The following SPATA6L variants were observed in gnomAD, a reference collection of about 807,000 sequenced individuals.
SPATA6L encodes spermatogenesis associated 6-like protein.
In SPATA6L, 68 loss-of-function variants were observed where a neutral mutation model predicts 49.2. That is an observed-to-expected ratio of 1.38 (90% CI 1.14 to 1.69). The LOEUF (loss-of-function observed/expected upper bound fraction) is 1.69, where lower values mean the gene tolerates loss of function less well. Ranked by LOEUF, SPATA6L falls within the 40% of genes most tolerant of loss-of-function variation. The probability of loss-of-function intolerance (pLI) is 0.00; values close to 1 mark genes in which losing one functional copy is unlikely to be tolerated. For missense variants in SPATA6L, 668 were observed against 464.3 expected, an observed-to-expected ratio of 1.44 and a Z score of -4.03; for synonymous variants, 198 against 165.7, an observed-to-expected ratio of 1.19 and a Z score of -1.50.
At chr9:4,648,909 G>T (rs563052765) in intron 3 of SPATA6L, among the ~76,000 whole-genome samples, 1 of 152,096 alleles carries the variant, frequency 6.6e-6, no homozygotes, top group African/African-American at 2.4e-5. Context: ...TCCCACTTAT[G>T]AGTGAGAATA....
chr9:4,648,610 G>A (rs1275335115), intron 3 of SPATA6L, among the ~76,000 whole-genome samples: 3 of 151,880 alleles, frequency 2.0e-5, no homozygotes, highest in Non-Finnish European at 4.4e-5. Context: ...TGAGGCAGGA[G>A]AATGGCGTGA....
chr9:4,609,036 C>G (rs1225382610), intron 9 of SPATA6L, among the ~76,000 whole-genome samples: 5,372 of 145,266 alleles, frequency 0.037, 503 homozygotes, highest in African/African-American at 0.15. Context: ...AAATAAACTA[C>G]AAAATCTAGA....
At chr9:4,626,579 C>T (rs1367466447) in intron 5 of SPATA6L, 3 of 1,294,612 alleles carry the variant, frequency 2.3e-6, no homozygotes, top group Non-Finnish European at 3.1e-6. Context: ...CTGCTTCCTG[C>T]AGTTACTCTG....
rs1158490354 is a variant in SPATA6L at position 4,662,657 on chromosome 9, G to C, written c.40-621C>G. ...TGCCCGAGGAGGACCGCATGGACTT[G>C]AACCCGTCCTTCCTGGGCATCGCCC... On this transcript the variant is annotated intron_variant, in intron 1 of 11. Transcript: ENST00000682582. The surrounding 1 kb of genome is among the most constrained non-coding windows in gnomAD (Gnocchi z 4.9). The C allele has an allele frequency of 1.9e-6, 3 of 1,599,878 alleles. No homozygotes were observed. Among genetic ancestry groups the C allele is most frequent in the Admixed American group, 1.7e-5 (1 of 60,008 alleles).
At chr9:4,594,504 G>A (rs909194622), downstream of SPATA6L, among the ~76,000 whole-genome samples, 10 of 152,192 alleles carry the variant, frequency 6.6e-5, no homozygotes, top group African/African-American at 1.7e-4. Context: ...GAGCCACCGC[G>A]CCCAGCGGGG....
intron 3 of SPATA6L, among the ~76,000 whole-genome samples, chr9:4,647,306 T>C (rs906010158): frequency 1.3e-5 from 2 of 152,124 alleles, no homozygotes; most frequent in Non-Finnish European, 2.9e-5. Flanking sequence ...ATATAACTTT[T>C]CAAGGCCAGG....
At chr9:4,616,166 A>G (rs1332947034) in intron 9 of SPATA6L, among the ~76,000 whole-genome samples, 1 of 152,100 alleles carries the variant, frequency 6.6e-6, no homozygotes, top group Non-Finnish European at 1.5e-5. Context: ...AGTCCCAGTT[A>G]CTCAGGAGGC....
intron 6 of SPATA6L, among the ~76,000 whole-genome samples, chr9:4,623,031 C>T (rs201538049): frequency 6.6e-6 from 1 of 152,076 alleles, no homozygotes; most frequent in African/African-American, 2.4e-5. Context: ...TGTAATCCCA[C>T]CACTTTGGGA....
At chr9:4,590,273 G>A (rs1174072609) in intron 13 of SPATA6L, among the ~76,000 whole-genome samples, 1 of 152,166 alleles carries the variant, frequency 6.6e-6, no homozygotes, top group Admixed American at 6.5e-5. Context: ...GTACCTAAGT[G>A]TATAAAGTTA....
chr9:4,619,960 A>G (rs1232623546), intron 7 of SPATA6L, among the ~76,000 whole-genome samples: 1 of 152,220 alleles, frequency 6.6e-6, no homozygotes, highest in Non-Finnish European at 1.5e-5. Flanking sequence ...GGCTTCCCCC[A>G]GTGTGACCAG....
chr9:4,635,604 A>G (rs1415098926), intron 3 of SPATA6L, among the ~76,000 whole-genome samples: 3 of 152,204 alleles, frequency 2.0e-5, no homozygotes, highest in African/African-American at 7.2e-5. Flanking sequence ...GTCATAACAG[A>G]GAAAAAAAGA....
rs772806825 is a variant in SPATA6L at position 4,661,974 on chromosome 9, C to T, written c.102G>A (p.Met34Ile). The part of the protein sequence containing the change: ...KQDVYLGVYL[M>I]NQYLETNSFP... ...AGCTGTTGGTCTCCAGGTACTGATT[C>T]ATGAGGTAGACCCCGAGGTACACAT... Residue 34 changes from methionine (M) to isoleucine (I), a missense_variant, in exon 2 of 12, where the codon ATG becomes ATA. Met to Ile is a conservative substitution (Grantham distance 10, BLOSUM62 1). Transcript: ENST00000682582. 12 of 1,614,118 alleles carry T rather than the reference C, an allele frequency of 7.4e-6. No homozygotes were observed. The highest frequency in any genetic ancestry group is 1.0e-5 in the Non-Finnish European group (12 of 1,179,998).
chr9:4,648,920 T>C (rs1587421413), intron 3 of SPATA6L, among the ~76,000 whole-genome samples: 1 of 152,264 alleles, frequency 6.6e-6, no homozygotes, highest in East Asian at 1.9e-4. Flanking sequence ...AGTGAGAATA[T>C]ACGATGTTTG....
chr9:4,610,193 C>A (rs55736406), intron 9 of SPATA6L, among the ~76,000 whole-genome samples: 319 of 151,470 alleles, frequency 2.1e-3, no homozygotes, highest in South Asian at 9.6e-3. Context: ...GGTAGGAAGA[C>A]TCAATATCGT....
chr9:4,606,182 A>G (rs930025093), intron 9 of SPATA6L, among the ~76,000 whole-genome samples: 94 of 151,518 alleles, frequency 6.2e-4, no homozygotes, highest in African/African-American at 2.2e-3. Context: ...CTAGCACAGC[A>G]GTCTGAGATC....
rs1822790636 is a variant in SPATA6L, at chr9:4,599,829, C to G, written c.*982G>C. On this transcript the variant is annotated 3_prime_UTR_variant, in exon 12 of 12. Coordinates refer to ENST00000682582, the MANE Select transcript of SPATA6L (RefSeq NM_001353486.2). Reference sequence around the variant, plus strand: ...TCAACATACAAATGTTGAGGGGACACAAACATTCACACTATAGTAGGGCTG... The same window carrying G: ...TCAACATACAAATGTTGAGGGGACAGAAACATTCACACTATAGTAGGGCTG... 6.6e-6 allele frequency among the ~76,000 whole-genome samples: 1 copy of G among 152,186 alleles called. No individual in the cohort carries two copies. The highest frequency in any genetic ancestry group is 1.5e-5 in the Non-Finnish European group (1 of 68,034).
downstream of SPATA6L, chr9:4,596,656 C>A (rs1231389480): frequency 1.3e-5 from 2 of 152,166 alleles, no homozygotes; most frequent in African/African-American, 2.4e-5. Flanking sequence ...CTCTTGTTGG[C>A]CTAAACAAGA....
chr9:4,644,183 CAAAAAAAAAAAAAAA>C (rs58325546), intron 3 of SPATA6L, among the ~76,000 whole-genome samples: 66 of 45,712 alleles, frequency 1.4e-3, no homozygotes, highest in African/African-American at 3.0e-3. Flanking sequence ...GCCATCTCTG[CAAAAAAAAAAAAAAA>C]AAAAAAAAAA....
chr9:4,599,166 T>A lies in SPATA6L; in HGVS notation c.*1645A>T, dbSNP rs1822656313. ...AGCATGAAACAAAGTTTCGAATGCA[T>A]TTGACTGCACCCTGCCACATGCAGT... On this transcript the variant is annotated 3_prime_UTR_variant, in exon 12 of 12. Transcript: ENST00000682582. Among the ~76,000 whole-genome samples the A allele has an allele frequency of 6.6e-6, 1 of 152,202 alleles. No homozygotes were observed. Among genetic ancestry groups the A allele is most frequent in the South Asian group, 2.1e-4 (1 of 4,830 alleles).
Sources: allele counts gnomAD v4.1 joint callset (sites outside exome capture counted in the v4.1 genomes callset), GRCh38; gene constraint gnomAD v4.1.1; non-coding constraint Gnocchi (gnomAD v3.1); transcripts MANE v1.5; gene names NCBI Gene and HGNC (gene_info 2026-07-23, HGNC 2026-07-21).